The following CDC42BPA variants were observed in gnomAD, a reference collection of about 807,000 sequenced individuals.
CDC42BPA encodes serine/threonine-protein kinase MRCK alpha.
In CDC42BPA, 80 loss-of-function variants were observed where a neutral mutation model predicts 223.5. That is an observed-to-expected ratio of 0.36 (90% CI 0.30 to 0.43). CDC42BPA has a LOEUF of 0.43. CDC42BPA is among the 20% of genes least tolerant of loss of function. The pLI is 1.00. For missense variants in CDC42BPA, 1,743 were observed against 2,099.9 expected (o/e 0.83, Z 3.32); for synonymous variants, 694 against 718.6 (o/e 0.97, Z 0.55).
intron 32 of CDC42BPA, among the ~76,000 whole-genome samples, chr1:227,022,646 A>G (rs1258083181): frequency 6.6e-6 from 1 of 152,206 alleles, no homozygotes; most frequent in South Asian, 2.1e-4. Flanking sequence ...CAGGCAAACA[A>G]CATTTAATTC....
At chr1:227,307,935 G>C (rs1160280318) in intron 1 of CDC42BPA, among the ~76,000 whole-genome samples, 1 of 152,124 alleles carries the variant, frequency 6.6e-6, no homozygotes, top group African/African-American at 2.4e-5. Flanking sequence ...GTTGTTGTTG[G>C]TGGATGAATG....
intron 3 of CDC42BPA, among the ~76,000 whole-genome samples, chr1:227,209,699 G>A (rs1022604894): frequency 8.8e-4 from 130 of 148,088 alleles, no homozygotes; most frequent in African/African-American, 3.0e-3. Flanking sequence ...GCATCCCAGG[G>A]ATGAAGCCCA....
At chr1:227,089,807 C>G (rs1682750270) in intron 16 of CDC42BPA, among the ~76,000 whole-genome samples, 1 of 151,992 alleles carries the variant, frequency 6.6e-6, no homozygotes, top group Non-Finnish European at 1.5e-5. Flanking sequence ...TTTGGATAAA[C>G]TCAGCAGAAA....
At chr1:227,220,029 T>C (rs982889489) in intron 2 of CDC42BPA, among the ~76,000 whole-genome samples, 1 of 152,018 alleles carries the variant, frequency 6.6e-6, no homozygotes, top group African/African-American at 2.4e-5. Context: ...ATGCGTCAAG[T>C]GCTCTGACTT....
At position 226,990,517 on chromosome 1, in the gene CDC42BPA, G is replaced by C. The variant is rs187516567; in HGVS notation, c.*3751C>G. ...TGGAGTGCCCAATTCATTCCCTGTT[G>C]TGCTCACCAGACATGGGCTACGGCA... is the stretch of plus-strand genomic sequence containing the variant. On this transcript the variant is annotated 3_prime_UTR_variant, in exon 37 of 37. Coordinates refer to ENST00000366766, the MANE Select transcript of CDC42BPA (RefSeq NM_001394014.1). The C allele has an allele frequency of 1.5e-4, 23 of 152,350 alleles. No individual in the cohort carries two copies. The highest frequency in any genetic ancestry group is 5.3e-4 in the African/African-American group (22 of 41,552). The allele number at this position is 152,350 out of a possible 1,614,324, so 9.4% of individuals were successfully genotyped here. A position where few individuals can be genotyped will look rare whatever the true frequency, so the allele number is the denominator to read the frequency against.
intron 21 of CDC42BPA, among the ~76,000 whole-genome samples, chr1:227,067,296 G>A (rs1469119749): frequency 2.0e-5 from 3 of 151,950 alleles, no homozygotes; most frequent in Non-Finnish European, 4.4e-5. Flanking sequence ...ATTCCTGAAA[G>A]GTCTGCTGAG....
chr1:227,291,796 CTCT>C (rs1226593387), intron 1 of CDC42BPA, among the ~76,000 whole-genome samples: 6 of 152,128 alleles, frequency 3.9e-5, no homozygotes, highest in African/African-American at 1.4e-4. Flanking sequence ...AATCAGCTAC[CTCT>C]TATTACTGTA....
At chr1:227,281,531 G>A (rs1201750759) in intron 1 of CDC42BPA, among the ~76,000 whole-genome samples, 1 of 152,142 alleles carries the variant, frequency 6.6e-6, no homozygotes, top group East Asian at 1.9e-4. Context: ...GCCCCTGGAA[G>A]CAGCTCAGAG....
Position 227,141,062 on chromosome 1 carries a change from G to A in CDC42BPA, c.1224-1320C>T, listed in dbSNP as rs1186791952. Reference sequence around the variant, plus strand: ...GAGAAGGTGGTATTTTAAAAGTATGGAGCTGTGGCAAATAAGATGAGACTA... The same window carrying A: ...GAGAAGGTGGTATTTTAAAAGTATGAAGCTGTGGCAAATAAGATGAGACTA... On this transcript the variant is annotated intron_variant, in intron 9 of 36. Coordinates refer to ENST00000366766, the MANE Select transcript of CDC42BPA (RefSeq NM_001394014.1). Among the ~76,000 whole-genome samples the A allele has an allele frequency of 9.2e-5, 14 of 152,184 alleles. 1 individual carries two copies. Among genetic ancestry groups the A allele is most frequent in the Admixed American group, 9.2e-4 (14 of 15,286 alleles).
chr1:227,076,292 C>T (rs534350857), intron 17 of CDC42BPA, among the ~76,000 whole-genome samples: 5 of 152,226 alleles, frequency 3.3e-5, no homozygotes, highest in South Asian at 2.1e-4. Context: ...AGTCTTGCTC[C>T]GTTGCCCATG....
chr1:227,310,980 C>G (rs1483833641), intron 1 of CDC42BPA, among the ~76,000 whole-genome samples: 1 of 152,024 alleles, frequency 6.6e-6, no homozygotes, highest in African/African-American at 2.4e-5. Flanking sequence ...CGTAAACCAC[C>G]GCACCCGGCC....
rs547107054 is a variant in CDC42BPA, at chr1:226,999,141, A to C, written c.4976-4161T>G. ...ATGGTGATCATTAAAAAATCAGGAA[A>C]CAACAGATTCTGGAGAGGATGTGGA... On this transcript the variant is annotated intron_variant, in intron 35 of 36. Transcript: ENST00000366766. Among the ~76,000 whole-genome samples the C allele has an allele frequency of 2.3e-3, 352 of 152,096 alleles. 3 individuals are homozygous for C. Among genetic ancestry groups the C allele is most frequent in the Non-Finnish European group, 2.8e-3 (191 of 67,976 alleles).
chr1:227,113,963 A>T (rs933821192), intron 12 of CDC42BPA, among the ~76,000 whole-genome samples: 19 of 147,580 alleles, frequency 1.3e-4, no homozygotes, highest in Non-Finnish European at 2.5e-4. Context: ...GGCTGCAGGG[A>T]GCTGAGATCA....
chr1:227,264,871 T>C, intron 1 of CDC42BPA: 2 of 1,529,180 alleles, frequency 1.3e-6, no homozygotes, highest in Non-Finnish European at 1.8e-6. Flanking sequence ...GAACTGGACC[T>C]GAAGAATTTT....
chr1:227,077,334 T>C (rs1679702419), intron 17 of CDC42BPA, among the ~76,000 whole-genome samples: 1 of 152,182 alleles, frequency 6.6e-6, no homozygotes, highest in South Asian at 2.1e-4. Context: ...TCCAGCCTAA[T>C]GACCAGAACA....
intron 2 of CDC42BPA, among the ~76,000 whole-genome samples, chr1:227,244,766 A>G (rs1680621696): frequency 6.6e-6 from 1 of 152,270 alleles, no homozygotes; most frequent in African/African-American, 2.4e-5. Context: ...ATATCTTGAA[A>G]AAAAGGCATT....
At chr1:227,067,368 CA>C (rs1677302688) in intron 21 of CDC42BPA, among the ~76,000 whole-genome samples, 1 of 151,868 alleles carries the variant, frequency 6.6e-6, no homozygotes, top group Admixed American at 6.6e-5. Flanking sequence ...AATATATGTA[CA>C]TTTTTTTTTT....
chr1:227,206,439 A>G (rs913815384), intron 3 of CDC42BPA, among the ~76,000 whole-genome samples: 23 of 152,336 alleles, frequency 1.5e-4, no homozygotes, highest in East Asian at 7.7e-4. Context: ...ATCATTAATT[A>G]TATATTTGAC....
chr1:227,061,394 C>T (rs558897766), intron 21 of CDC42BPA, among the ~76,000 whole-genome samples: 4 of 152,220 alleles, frequency 2.6e-5, no homozygotes, highest in African/African-American at 9.6e-5. Flanking sequence ...CTCACAGAAA[C>T]CCTATAAGGT....
Sources: allele counts gnomAD v4.1 joint callset (sites outside exome capture counted in the v4.1 genomes callset), GRCh38; gene constraint gnomAD v4.1.1; transcripts MANE v1.5; gene names NCBI Gene and HGNC (gene_info 2026-07-23, HGNC 2026-07-21).